The following PRORP variants were observed in gnomAD, a reference collection of about 807,000 sequenced individuals.
PRORP encodes the protein mitochondrial ribonuclease P catalytic subunit.
PRORP carries 51 observed loss-of-function variants against 59.4 expected under a neutral mutation model. That is an observed-to-expected ratio of 0.86 (90% confidence interval 0.69 to 1.08). The LOEUF (loss-of-function observed/expected upper bound fraction) is 1.08, where lower values mean the gene tolerates loss of function less well. Among genes scored for constraint, PRORP ranks in the 50% least tolerant of loss-of-function variants. The probability of loss-of-function intolerance (pLI) is 0.00; values close to 1 mark genes in which losing one functional copy is unlikely to be tolerated. For missense variants in PRORP, 646 were observed against 690.3 expected (o/e 0.94, Z 0.72); for synonymous variants, 231 against 245.6 (o/e 0.94, Z 0.55).
intron 4 of PRORP, among the ~76,000 whole-genome samples, chr14:35,148,118 T>C (rs879563229): frequency 1.3e-5 from 2 of 152,244 alleles, no homozygotes; most frequent in Non-Finnish European, 2.9e-5. Context: ...TATTTCAACC[T>C]CTTTCCATGA....
intron 5 of PRORP, among the ~76,000 whole-genome samples, chr14:35,242,312 C>G (rs77761445): frequency 0.01 from 1,557 of 152,238 alleles, 28 homozygotes; most frequent in African/African-American, 0.035. Flanking sequence ...TTCAGATTAA[C>G]CTTTAGACAC....
chr14:35,266,875 T>G lies in PRORP; in HGVS notation c.1424T>G (p.Ile475Ser). The G allele has an allele frequency of 6.2e-7, 1 of 1,614,048 alleles. No homozygotes were observed. Among genetic ancestry groups the G allele is most frequent in the Admixed American group, 1.7e-5 (1 of 59,990 alleles). The stretch of plus-strand genomic sequence containing the variant: ...GCCAGCTGTTTTTTTGCTGATGACA[T>G]GTAAGTGTTGGAGGTAATAGGTGAA... ...KQASCFFADD[I>S]SEDDPFLLYA... is the part of the protein sequence containing the mutation. The change falls in exon 6 of 8, where the codon ATC becomes AGC. Residue 475 changes from isoleucine (I) to serine (S), a missense_variant and splice_region_variant. Transcript: ENST00000534898.
intron 4 of PRORP, among the ~76,000 whole-genome samples, chr14:35,177,055 C>T (rs1178721989): frequency 2.6e-5 from 4 of 152,050 alleles, no homozygotes; most frequent in Admixed American, 6.6e-5. Context: ...TATTGATTTG[C>T]GTATGTTGAA....
chr14:35,161,429 T>C (rs547817760), intron 4 of PRORP, among the ~76,000 whole-genome samples: 4 of 152,306 alleles, frequency 2.6e-5, no homozygotes, highest in Admixed American at 6.5e-5. Flanking sequence ...GTTGGCACTT[T>C]AGAGCAGATT....
chr14:35,179,344 G>T (rs1417204502), intron 4 of PRORP, among the ~76,000 whole-genome samples: 1 of 152,196 alleles, frequency 6.6e-6, no homozygotes, highest in African/African-American at 2.4e-5. Flanking sequence ...TTCCAACTTG[G>T]TTCCATTCTC....
chr14:35,122,234 T>A, upstream of PRORP: 1 of 465,344 alleles, frequency 2.1e-6, no homozygotes, highest in Non-Finnish European at 4.0e-6. Flanking sequence ...AGCCGGATTT[T>A]AAAGGCCACG....
chr14:35,134,116 C>T (rs2047316859), intron 4 of PRORP, among the ~76,000 whole-genome samples: 1 of 152,310 alleles, frequency 6.6e-6, no homozygotes, highest in African/African-American at 2.4e-5. Flanking sequence ...ATTTGGGAGC[C>T]AGGGAGTAGA....
intron 5 of PRORP, among the ~76,000 whole-genome samples, chr14:35,208,301 C>G (rs2139158034): frequency 6.6e-6 from 1 of 152,124 alleles, no homozygotes; most frequent in Non-Finnish European, 1.5e-5. Flanking sequence ...TTTAGCTGGG[C>G]ATAGTGGTGA....
intron 5 of PRORP, among the ~76,000 whole-genome samples, chr14:35,234,344 A>G (rs568016946): frequency 2.2e-4 from 34 of 152,320 alleles, no homozygotes; most frequent in African/African-American, 8.2e-4. Context: ...TTTTTTCCAA[A>G]TACTGTGTTT....
intron 4 of PRORP, among the ~76,000 whole-genome samples, chr14:35,146,475 G>A (rs1324717349): frequency 6.6e-6 from 1 of 152,008 alleles, no homozygotes; most frequent in African/African-American, 2.4e-5. Context: ...CAAACTGAAA[G>A]ATGTGAACTG....
chr14:35,197,785 A>G (rs1461742475), intron 5 of PRORP, among the ~76,000 whole-genome samples: 3 of 152,240 alleles, frequency 2.0e-5, no homozygotes, highest in Non-Finnish European at 2.9e-5. Flanking sequence ...TGTGATACAG[A>G]AAATAAAATA....
chr14:35,146,078 G>T (rs533160871), intron 4 of PRORP, among the ~76,000 whole-genome samples: 1 of 151,888 alleles, frequency 6.6e-6, no homozygotes. Flanking sequence ...TGATCCGCCC[G>T]CCTCGGCCTC....
intron 4 of PRORP, among the ~76,000 whole-genome samples, chr14:35,163,499 C>T (rs997193610): frequency 1.3e-5 from 2 of 152,086 alleles, no homozygotes; most frequent in Admixed American, 6.6e-5. Context: ...TTTTAATCTG[C>T]ATTTCTCTGA....
chr14:35,201,257 C>CT (rs902834585), intron 5 of PRORP, among the ~76,000 whole-genome samples: 8 of 152,040 alleles, frequency 5.3e-5, no homozygotes, highest in African/African-American at 9.7e-5. Flanking sequence ...TAAAGTTACT[C>CT]TTTTTTTTCC....
chr14:35,148,523 A>G (rs2047665364), intron 4 of PRORP, among the ~76,000 whole-genome samples: 1 of 152,198 alleles, frequency 6.6e-6, no homozygotes, highest in African/African-American at 2.4e-5. Flanking sequence ...GATAGAGCAT[A>G]GGCAGAGGAG....
chr14:35,242,173 T>A (rs2050385162), intron 5 of PRORP, among the ~76,000 whole-genome samples: 1 of 152,224 alleles, frequency 6.6e-6, no homozygotes, highest in Non-Finnish European at 1.5e-5. Flanking sequence ...AAGAACTGAA[T>A]CTTATGATAG....
intron 4 of PRORP, chr14:35,158,954 A>T: frequency 2.9e-6 from 1 of 344,924 alleles, no homozygotes; most frequent in Non-Finnish European, 5.6e-6. Flanking sequence ...CTCTTCACTG[A>T]TTCTCTGGAT....
intron 4 of PRORP, among the ~76,000 whole-genome samples, chr14:35,159,988 G>A (rs932507705): frequency 3.3e-5 from 5 of 152,214 alleles, no homozygotes; most frequent in Non-Finnish European, 7.3e-5. Context: ...ACCTGGATTC[G>A]TAGTGATTCC....
At chr14:35,151,981 G>C (rs533359286) in intron 4 of PRORP, among the ~76,000 whole-genome samples, 34 of 150,132 alleles carry the variant, frequency 2.3e-4, no homozygotes, top group Non-Finnish European at 4.3e-4. Context: ...TTCTCGCAGA[G>C]GGGGATTTGG....
Sources: allele counts gnomAD v4.1 joint callset (sites outside exome capture counted in the v4.1 genomes callset), GRCh38; gene constraint gnomAD v4.1.1; transcripts MANE v1.5; gene names NCBI Gene and HGNC (gene_info 2026-07-23, HGNC 2026-07-21).